TTC29: variants seen among roughly 807,000 people sequenced by gnomAD.
TTC29 encodes tetratricopeptide repeat domain 29.
A neutral mutation model predicts 58.1 loss-of-function variants in TTC29; 49 were observed. That is an observed-to-expected ratio of 0.84 (90% CI 0.67 to 1.07). The LOEUF (loss-of-function observed/expected upper bound fraction) is 1.07, where lower values mean the gene tolerates loss of function less well. TTC29 is among the 50% of genes least tolerant of loss of function. The pLI, the probability that TTC29 is intolerant of heterozygous loss-of-function variation, is 0.00. For missense variants in TTC29, 582 were observed against 555.6 expected (o/e 1.05, Z -0.48); for synonymous variants, 209 against 196.8 (o/e 1.06, Z -0.52).
chr4:146,718,472 AT>A (rs1364030150), intron 11 of TTC29, among the ~76,000 whole-genome samples: 3 of 152,132 alleles, frequency 2.0e-5, no homozygotes, highest in African/African-American at 7.2e-5. Flanking sequence ...ATGTTCAGCA[AT>A]GTTTCCATAT....
intron 11 of TTC29, among the ~76,000 whole-genome samples, chr4:146,740,172 C>T (rs772027840): frequency 2.0e-5 from 3 of 152,090 alleles, no homozygotes; most frequent in Non-Finnish European, 4.4e-5. Context: ...ATGGAGCCAT[C>T]GTATTTTTGT....
intron 11 of TTC29, among the ~76,000 whole-genome samples, chr4:146,762,095 G>A (rs955218574): frequency 4.6e-5 from 7 of 151,402 alleles, no homozygotes; most frequent in East Asian, 1.9e-4. Flanking sequence ...CTTTCATTTC[G>A]TCTCTTATTA....
intron 11 of TTC29, among the ~76,000 whole-genome samples, chr4:146,738,741 T>C (rs893932851): frequency 1.2e-4 from 18 of 152,150 alleles, no homozygotes; most frequent in Non-Finnish European, 2.2e-4. Context: ...CCAGCCTTTG[T>C]GATTGCGCAT....
intron 6 of TTC29, among the ~76,000 whole-genome samples, chr4:146,889,582 T>C (rs1732215149): frequency 6.6e-6 from 1 of 152,056 alleles, no homozygotes; most frequent in Non-Finnish European, 1.5e-5. Flanking sequence ...AAAGAGAAAA[T>C]AAAATACCAC....
At chr4:146,819,992 C>A in intron 10 of TTC29, 133 bp downstream of exon 10, 1 of 1,168,552 alleles carries the variant, frequency 8.6e-7, no homozygotes, top group South Asian at 1.3e-5. Flanking sequence ...ATTAACTACA[C>A]CCTGCAGTCC....
intron 8 of TTC29, among the ~76,000 whole-genome samples, chr4:146,845,861 T>G (rs1307875561): frequency 6.6e-6 from 1 of 152,192 alleles, no homozygotes; most frequent in African/African-American, 2.4e-5. Flanking sequence ...TGTGCTATTC[T>G]AGCACTCACC....
At chr4:146,926,764 A>G (rs1469065219) in intron 4 of TTC29, among the ~76,000 whole-genome samples, 1 of 152,184 alleles carries the variant, frequency 6.6e-6, no homozygotes, top group Non-Finnish European at 1.5e-5. Flanking sequence ...CGTCCAGCCT[A>G]CAAAGTTTTA....
intron 8 of TTC29, among the ~76,000 whole-genome samples, chr4:146,867,048 C>T (rs1730605422): frequency 1.3e-5 from 2 of 152,176 alleles, no homozygotes; most frequent in Admixed American, 1.3e-4. Flanking sequence ...CTGTTGCCTC[C>T]CCACTACCTG....
At chr4:146,926,112 G>C (rs907051330) in intron 4 of TTC29, among the ~76,000 whole-genome samples, 2 of 152,130 alleles carry the variant, frequency 1.3e-5, no homozygotes, top group African/African-American at 4.8e-5. Context: ...TTGTTTGAAA[G>C]AAAACTTAAC....
At chr4:146,869,448 G>A (rs1730788158) in intron 7 of TTC29, among the ~76,000 whole-genome samples, 4 of 152,158 alleles carry the variant, frequency 2.6e-5, no homozygotes, top group Admixed American at 2.6e-4. Context: ...CCACTAAGGG[G>A]AACTTTAATT....
intron 11 of TTC29, among the ~76,000 whole-genome samples, chr4:146,771,635 C>T (rs1312941414): frequency 6.6e-6 from 1 of 152,084 alleles, no homozygotes; most frequent in East Asian, 1.9e-4. Context: ...GTATACATAA[C>T]ACATTTTCTT....
chr4:146,919,827 T>C (rs6820984), intron 4 of TTC29, among the ~76,000 whole-genome samples: 2 of 150,712 alleles, frequency 1.3e-5, no homozygotes, highest in African/African-American at 4.8e-5. Flanking sequence ...CAAACTTTTA[T>C]TAAAAATGAA....
Position 146,873,671 on chromosome 4 carries a change from A to G in TTC29, c.799+1045T>C, listed in dbSNP as rs75981230. Among the ~76,000 whole-genome samples, 587 of 152,332 alleles carry G rather than the reference A, an allele frequency of 3.9e-3. 5 individuals carry two copies. Among genetic ancestry groups the G allele is most frequent in the African/African-American group, 0.013 (557 of 41,590 alleles). Reference sequence around the variant, plus strand: ...AACTCTGTGTTTACCCCTTTGGGGGAAGGTACTAGACCATTTATTCAAAAG... The same window carrying G: ...AACTCTGTGTTTACCCCTTTGGGGGGAGGTACTAGACCATTTATTCAAAAG... On this transcript the variant is annotated intron_variant, in intron 7 of 12. Transcript: ENST00000325106.
intron 8 of TTC29, 113 bp from the exon 9 acceptor site, chr4:146,834,010 A>C: frequency 4.7e-6 from 3 of 636,084 alleles, no homozygotes; most frequent in Non-Finnish European, 7.4e-6. Context: ...CTCTATAAAA[A>C]ATTTTGTTGA....
intron 8 of TTC29, among the ~76,000 whole-genome samples, chr4:146,845,976 C>G (rs556905576): frequency 2.0e-5 from 3 of 152,260 alleles, no homozygotes; most frequent in African/African-American, 4.8e-5. Flanking sequence ...GCCTCTAGCT[C>G]CTCGTCTTAT....
At chr4:146,856,677 C>T (rs968396672) in intron 8 of TTC29, among the ~76,000 whole-genome samples, 2 of 148,788 alleles carry the variant, frequency 1.3e-5, no homozygotes, top group Non-Finnish European at 3.0e-5. Context: ...TAAGCTGTAA[C>T]ATTATTATTT....
chr4:146,794,359 T>C (rs1188917132), intron 11 of TTC29, among the ~76,000 whole-genome samples: 1 of 152,136 alleles, frequency 6.6e-6, no homozygotes, highest in Non-Finnish European at 1.5e-5. Flanking sequence ...ATTAGTTTTT[T>C]CATATTATGA....
intron 11 of TTC29, among the ~76,000 whole-genome samples, chr4:146,796,358 A>T (rs1408122243): frequency 1.3e-5 from 2 of 152,176 alleles, no homozygotes; most frequent in East Asian, 3.8e-4. Flanking sequence ...AAAGAACAAA[A>T]AAAGGAATTC....
chr4:146,814,262 T>C (rs981960056), intron 10 of TTC29, among the ~76,000 whole-genome samples: 4 of 152,054 alleles, frequency 2.6e-5, no homozygotes, highest in Non-Finnish European at 5.9e-5. Context: ...AGATAAATGC[T>C]ACATGGATAA....
Sources: gnomAD v4.1 joint callset for allele counts (sites outside exome capture counted in the v4.1 genomes callset) on GRCh38, gnomAD v4.1.1 for gene constraint, MANE v1.5 for transcripts, NCBI Gene and HGNC (gene_info 2026-07-23, HGNC 2026-07-21) for gene names.